The following TEX9 variants were observed in gnomAD, a reference collection of about 807,000 sequenced individuals.
TEX9 encodes testis expressed 9.
TEX9 carries 74 observed loss-of-function variants against 59.6 expected under a neutral mutation model. That is an observed-to-expected ratio of 1.24 (90% CI 1.03 to 1.51). The LOEUF is 1.51. Among genes scored for constraint, TEX9 ranks in the 40% most tolerant of loss-of-function variants. TEX9 has a pLI of 0.00. For missense variants in TEX9, 522 were observed against 447.8 expected (o/e 1.17, Z -1.49); for synonymous variants, 186 against 152.2 (o/e 1.22, Z -1.64).
chr15:56,406,736 A>G (rs1322157256), intron 9 of TEX9, among the ~76,000 whole-genome samples: 1 of 152,124 alleles, frequency 6.6e-6, no homozygotes, highest in African/African-American at 2.4e-5. Flanking sequence ...TTGGCCGTTC[A>G]TATATCTTCT....
the TEX9 span, among the ~76,000 whole-genome samples, chr15:56,451,688 A>T: frequency 6.6e-6 from 1 of 151,828 alleles, no homozygotes; most frequent in African/African-American, 2.4e-5. Flanking sequence ...TACAATGGTG[A>T]GAAAACCATA....
At chr15:56,258,599 G>A (rs1246169963) in intron 1 of TEX9, among the ~76,000 whole-genome samples, 1 of 151,858 alleles carries the variant, frequency 6.6e-6, no homozygotes, top group Non-Finnish European at 1.5e-5. Context: ...CCTGTTTTTG[G>A]TGTTTAGGAA....
chr15:56,304,262 C>G (rs180805840), intron 1 of TEX9, among the ~76,000 whole-genome samples: 22 of 152,294 alleles, frequency 1.4e-4, no homozygotes, highest in African/African-American at 5.1e-4. Context: ...TTTGCTCTAG[C>G]TAGGACTTCC....
chr15:56,382,398 T>TC (rs556833917), intron 3 of TEX9, among the ~76,000 whole-genome samples: 61 of 152,308 alleles, frequency 4.0e-4, no homozygotes, highest in African/African-American at 1.3e-3. Context: ...AAGGCCCCTT[T>TC]ACTTTTCCCT....
At chr15:56,379,071 C>CAAA (rs199787439) in intron 3 of TEX9, among the ~76,000 whole-genome samples, 1 of 50,262 alleles carries the variant, frequency 2.0e-5, no homozygotes, top group African/African-American at 5.1e-5. Context: ...CTCAAAGAAA[C>CAAA]AAAAAAAAAA....
At chr15:56,265,487 T>C (rs2044359537) in intron 1 of TEX9, among the ~76,000 whole-genome samples, 1 of 152,158 alleles carries the variant, frequency 6.6e-6, no homozygotes, top group South Asian at 2.1e-4. Flanking sequence ...TTTTTAAATA[T>C]AAGCATTAAT....
chr15:56,345,273 T>C (rs958445085), intron 1 of TEX9, among the ~76,000 whole-genome samples: 3 of 151,864 alleles, frequency 2.0e-5, no homozygotes, highest in Admixed American at 6.6e-5. Flanking sequence ...TGGACATGAA[T>C]GGACAATTTT....
chr15:56,313,238 A>G (rs2045668477), intron 1 of TEX9, among the ~76,000 whole-genome samples: 1 of 125,708 alleles, frequency 8.0e-6, no homozygotes, highest in East Asian at 2.4e-4. Flanking sequence ...TTCAAAGGGA[A>G]TGCTTCCAGT....
intron 10 of TEX9, among the ~76,000 whole-genome samples, chr15:56,427,144 A>G (rs1398822470): frequency 3.3e-5 from 5 of 152,090 alleles, no homozygotes; most frequent in Non-Finnish European, 7.3e-5. Flanking sequence ...CTGTGAACCC[A>G]CAAACTGGAA....
chr15:56,387,156 A>G lies in TEX9; in HGVS notation c.264-1316A>G, dbSNP rs1190975801. Reference sequence around the variant, plus strand: ...ACATTTCATGGAGTTAAACAAAAGTAAGAATACCATACTATAGCTTACTTT... The same window carrying G: ...ACATTTCATGGAGTTAAACAAAAGTGAGAATACCATACTATAGCTTACTTT... On this transcript the variant is annotated intron_variant, in intron 4 of 12. Transcript: ENST00000352903. 2.6e-5 allele frequency among the ~76,000 whole-genome samples: 4 copies of G among 151,902 alleles called. No individual in the cohort carries two copies. In the South Asian group the frequency reaches 8.3e-4, roughly 31 times the overall value.
intron 1 of TEX9, among the ~76,000 whole-genome samples, chr15:56,270,469 C>A (rs2044501198): frequency 6.6e-6 from 1 of 151,966 alleles, no homozygotes; most frequent in Non-Finnish European, 1.5e-5. Context: ...AGATTGCAAC[C>A]CCTGCTTTTT....
intron 9 of TEX9, among the ~76,000 whole-genome samples, chr15:56,411,557 A>G (rs1333445546): frequency 3.3e-5 from 5 of 151,442 alleles, no homozygotes; most frequent in Non-Finnish European, 7.3e-5. Context: ...CAGGAGGAAG[A>G]GCACAGGCGA....
intron 1 of TEX9, among the ~76,000 whole-genome samples, chr15:56,315,349 GT>G (rs1431633269): frequency 1.4e-5 from 2 of 146,396 alleles, no homozygotes; most frequent in Non-Finnish European, 3.0e-5. Context: ...AGGCCTGGTG[GT>G]GACAAAATCT....
intron 1 of TEX9, among the ~76,000 whole-genome samples, chr15:56,293,922 T>C (rs2141521052): frequency 6.6e-6 from 1 of 152,370 alleles, no homozygotes; most frequent in African/African-American, 2.4e-5. Context: ...GCTGTGAATA[T>C]AACAACTTTC....
In TEX9 at chr15:56,381,044, A is replaced by G. The variant is rs184624100; in HGVS notation, c.184-2908A>G. 9.2e-5 allele frequency among the ~76,000 whole-genome samples: 14 copies of G among 152,232 alleles called. No individual in the cohort carries two copies. The East Asian group carries it at 1.5e-3, about 17-fold the overall frequency. On this transcript the variant is annotated intron_variant, in intron 3 of 12. Coordinates refer to ENST00000352903, the Ensembl canonical transcript of TEX9. ...TCTTTCTGCCTCTTCTTTAAGGCCAATAAGTCTTATATTTGCCCTTTTGAG... is the reference window on the plus strand; with the variant it reads ...TCTTTCTGCCTCTTCTTTAAGGCCAGTAAGTCTTATATTTGCCCTTTTGAG...
At chr15:56,269,084 T>C (rs577744820) in intron 1 of TEX9, among the ~76,000 whole-genome samples, 1 of 152,308 alleles carries the variant, frequency 6.6e-6, no homozygotes, top group South Asian at 2.1e-4. Context: ...ATTTATCCAT[T>C]TCTTCTAGAT....
chr15:56,359,756 T>A (rs1335323858), intron 1 of TEX9, among the ~76,000 whole-genome samples: 1 of 152,130 alleles, frequency 6.6e-6, no homozygotes, highest in Non-Finnish European at 1.5e-5. Flanking sequence ...TTTATTGTCT[T>A]ATTGCACTAG....
intron 1 of TEX9, among the ~76,000 whole-genome samples, chr15:56,346,587 A>G (rs1421388856): frequency 6.6e-6 from 1 of 152,192 alleles, no homozygotes; most frequent in Non-Finnish European, 1.5e-5. Flanking sequence ...CTTAGTCCCA[A>G]GGTGAATCAT....
At chr15:56,308,715 A>G (rs1000027518) in intron 1 of TEX9, among the ~76,000 whole-genome samples, 4 of 152,054 alleles carry the variant, frequency 2.6e-5, no homozygotes, top group Non-Finnish European at 5.9e-5. Flanking sequence ...ATTCATTTTA[A>G]ATTAATTTTT....
Sources: allele counts gnomAD v4.1 joint callset (sites outside exome capture counted in the v4.1 genomes callset), GRCh38; gene constraint gnomAD v4.1.1; transcripts MANE v1.5; gene names NCBI Gene and HGNC (gene_info 2026-07-23, HGNC 2026-07-21).